AFG2A: variants seen among roughly 807,000 people sequenced by gnomAD.
AFG2A encodes ATPase family gene 2 protein homolog A.
At chr4:123,135,011 A>G in the AFG2A span, among the ~76,000 whole-genome samples, 1 of 152,182 alleles carries the variant, frequency 6.6e-6, no homozygotes, top group Non-Finnish European at 1.5e-5. Flanking sequence ...ATTCTCAACA[A>G]AATACTAGCA....
the AFG2A span, among the ~76,000 whole-genome samples, chr4:123,207,827 A>G: frequency 8.5e-5 from 13 of 152,292 alleles, 1 homozygote; most frequent in Middle Eastern, 0.017. Context: ...GGATTGAAAG[A>G]CTTAATATTG....
At chr4:123,301,140 A>G in the AFG2A span, among the ~76,000 whole-genome samples, 2 of 152,172 alleles carry the variant, frequency 1.3e-5, no homozygotes, top group African/African-American at 2.4e-5. Flanking sequence ...AACCTTCGCT[A>G]TAGAAAAATA....
the AFG2A span, among the ~76,000 whole-genome samples, chr4:123,224,661 C>T: frequency 6.6e-6 from 1 of 152,126 alleles, no homozygotes; most frequent in South Asian, 2.1e-4. Context: ...AATAGTGCCG[C>T]AATAAACATA....
chr4:123,180,695 T>C, the AFG2A span, among the ~76,000 whole-genome samples: 1 of 152,222 alleles, frequency 6.6e-6, no homozygotes, highest in Non-Finnish European at 1.5e-5. Context: ...CATTTCAGTA[T>C]TTTGAAAGAG....
At chr4:123,077,965 A>G in the AFG2A span, among the ~76,000 whole-genome samples, 1 of 152,204 alleles carries the variant, frequency 6.6e-6, no homozygotes, top group African/African-American at 2.4e-5. Context: ...TGTCTCCCAA[A>G]ACACACATTA....
the AFG2A span, among the ~76,000 whole-genome samples, chr4:123,070,168 G>T: frequency 6.6e-6 from 1 of 152,008 alleles, no homozygotes; most frequent in African/African-American, 2.4e-5. Context: ...TCACACACCC[G>T]TTAGTTTAAT....
At chr4:123,137,026 G>A in the AFG2A span, among the ~76,000 whole-genome samples, 2 of 152,096 alleles carry the variant, frequency 1.3e-5, no homozygotes, top group Non-Finnish European at 2.9e-5. Flanking sequence ...TTCAGATCAG[G>A]CATTAGATTC....
chr4:123,033,091 A>G, the AFG2A span, among the ~76,000 whole-genome samples: 1 of 152,266 alleles, frequency 6.6e-6, no homozygotes, highest in Non-Finnish European at 1.5e-5. Flanking sequence ...AAGGTACAAG[A>G]TAATCTGAAA....
the AFG2A span, among the ~76,000 whole-genome samples, chr4:123,247,682 C>A: frequency 2.0e-5 from 3 of 152,146 alleles, no homozygotes; most frequent in Admixed American, 2.0e-4. Context: ...CCTGCCTTAG[C>A]CTCCCAAAGT....
the AFG2A span, among the ~76,000 whole-genome samples, chr4:122,944,977 G>T: frequency 6.6e-6 from 1 of 152,188 alleles, no homozygotes; most frequent in Admixed American, 6.5e-5. Flanking sequence ...GAATGCTGCT[G>T]TCTGATCGTT....
the AFG2A span, among the ~76,000 whole-genome samples, chr4:123,032,151 A>G: frequency 6.6e-6 from 1 of 152,338 alleles, no homozygotes; most frequent in East Asian, 1.9e-4. Context: ...TCTGGTAAAT[A>G]CAGGAATGTA....
the AFG2A span, among the ~76,000 whole-genome samples, chr4:123,138,631 G>A: frequency 0.065 from 9,939 of 152,006 alleles, 582 homozygotes; most frequent in African/African-American, 0.15. Flanking sequence ...ACTACTGCAA[G>A]TTGTGTAACA....
At chr4:122,946,004 C>T in the AFG2A span, among the ~76,000 whole-genome samples, 1 of 151,956 alleles carries the variant, frequency 6.6e-6, no homozygotes, top group Non-Finnish European at 1.5e-5. Context: ...CAGGTTGATT[C>T]TCAGGTTATA....
At chr4:123,093,331 G>T in the AFG2A span, among the ~76,000 whole-genome samples, 399 of 152,240 alleles carry the variant, frequency 2.6e-3, no homozygotes, top group African/African-American at 8.9e-3. Context: ...CAAATTAAAG[G>T]GTGAGTTAAC....
the AFG2A span, among the ~76,000 whole-genome samples, chr4:123,289,755 T>C: frequency 1.3e-5 from 2 of 151,864 alleles, no homozygotes; most frequent in South Asian, 2.1e-4. Flanking sequence ...ATTGTGGTTT[T>C]AATTTGGAGT....
the AFG2A span, among the ~76,000 whole-genome samples, chr4:123,289,122 T>C: frequency 0.011 from 1,667 of 152,270 alleles, 25 homozygotes; most frequent in African/African-American, 0.037. Flanking sequence ...ACCCAAATAG[T>C]ATACATTGTA....
At chr4:122,946,147 A>G in the AFG2A span, among the ~76,000 whole-genome samples, 3 of 152,236 alleles carry the variant, frequency 2.0e-5, no homozygotes, top group African/African-American at 7.2e-5. Context: ...ACAGTAAGAG[A>G]TGTGACTGTT....
chr4:123,217,898 C>G, the AFG2A span, among the ~76,000 whole-genome samples: 1 of 152,126 alleles, frequency 6.6e-6, no homozygotes, highest in Admixed American at 6.5e-5. Flanking sequence ...ATATTCACTG[C>G]TGTGGCTGCA....
the AFG2A span, among the ~76,000 whole-genome samples, chr4:123,048,947 T>A: frequency 6.6e-6 from 1 of 152,184 alleles, no homozygotes; most frequent in African/African-American, 2.4e-5. Context: ...TTTCAGATCT[T>A]GGTGTAAAGG....
Sources: gnomAD v4.1 joint callset for allele counts (sites outside exome capture counted in the v4.1 genomes callset) on GRCh38, gnomAD v4.1.1 for gene constraint, MANE v1.5 for transcripts, NCBI Gene and HGNC (gene_info 2026-07-23, HGNC 2026-07-21) for gene names.